FBXO43: variants seen among roughly 807,000 people sequenced by gnomAD.
The protein encoded by FBXO43 is F-box only protein 43.
Under a neutral mutation model 56.7 loss-of-function variants are expected in FBXO43, and 22 were observed. The ratio of observed to expected loss-of-function variants is 0.39; its 90% CI spans 0.28 to 0.55. The LOEUF is 0.55. FBXO43 is among the 20% of genes least tolerant of loss of function. The pLI is 0.66. For missense variants in FBXO43, 733 were observed against 814.9 expected (o/e 0.90, Z 1.22); for synonymous variants, 306 against 294.5 (o/e 1.04, Z -0.40).
rs1178600675 is a variant in FBXO43, at chr8:100,145,143, T to G, written c.-8A>C. ...TTTGTCTTTAAAACTCATGCCAAAA[T>G]AATGCCACTTAAAGAGGAAAACTTT... On this transcript the variant is annotated 5_prime_UTR_variant, in exon 1 of 5. Coordinates refer to ENST00000428847, the MANE Select transcript of FBXO43 (RefSeq NM_001029860.4). 2 of 1,602,932 alleles carry G rather than the reference T, an allele frequency of 1.2e-6. No homozygotes were observed. The highest frequency in any genetic ancestry group is 1.7e-6 in the Non-Finnish European group (2 of 1,175,740).
rs779978479 is a variant in FBXO43, at chr8:100,134,162, T to C, written c.1877A>G (p.Lys626Arg). ...HLSSKQEEYV[K>R]VAKTLFTDEA... ...ACTTATGACATAATAAATACTTACCTTAACATATTCTTCCTGTTTACTACT... is the reference window on the plus strand; with the variant it reads ...ACTTATGACATAATAAATACTTACCCTAACATATTCTTCCTGTTTACTACT... The change falls in exon 4 of 5, where the codon AAG becomes AGG. Residue 626 changes from lysine (K) to arginine (R), a missense_variant and splice_region_variant. Physicochemically the swap from Lys to Arg is conservative, Grantham distance 26. Transcript: ENST00000428847. The C allele has an allele frequency of 1.5e-5, 25 of 1,613,008 alleles. No homozygotes were observed. In the South Asian group the frequency reaches 2.7e-4, roughly 18 times the overall value.
intron 1 of FBXO43, among the ~76,000 whole-genome samples, chr8:100,143,388 A>G (rs760874066): frequency 5.3e-5 from 8 of 152,216 alleles, no homozygotes; most frequent in Non-Finnish European, 1.0e-4. Context: ...TACAAAAGCA[A>G]ATTGCTACTC....
rs754622660 is a variant in FBXO43, at chr8:100,141,417, A to G, written c.837T>C (p.Cys279=). ...SSLCINDENA[C]PELLGSSVSG... is the part of the protein sequence containing the mutation. ...TAACAGAGGAGCCCAGGAGCTCTGGACATGCATTCTCATCATTAATGCATA... is the reference window on the plus strand; with the variant it reads ...TAACAGAGGAGCCCAGGAGCTCTGGGCATGCATTCTCATCATTAATGCATA... The change falls in exon 2 of 5, where the codon TGT becomes TGC. Residue 279 remains cysteine, a synonymous_variant. Transcript: ENST00000428847. The G allele has an allele frequency of 2.4e-5, 39 of 1,613,486 alleles. No individual in the cohort carries two copies. Among genetic ancestry groups the G allele is most frequent in the Non-Finnish European group, 3.1e-5 (37 of 1,179,996 alleles).
At chr8:100,138,957 C>T (rs771700217) in intron 2 of FBXO43, among the ~76,000 whole-genome samples, 1 of 152,178 alleles carries the variant, frequency 6.6e-6, no homozygotes, top group Non-Finnish European at 1.5e-5. Flanking sequence ...TTAAAAGGCA[C>T]ACAATATGGG....
chr8:100,135,368 C>T (rs1814438535), intron 3 of FBXO43, among the ~76,000 whole-genome samples: 1 of 151,962 alleles, frequency 6.6e-6, no homozygotes, highest in African/African-American at 2.4e-5. Flanking sequence ...AAATATGGAG[C>T]TAAACACTAG....
At chr8:100,143,478 C>G (rs1814720172) in intron 1 of FBXO43, among the ~76,000 whole-genome samples, 1 of 152,158 alleles carries the variant, frequency 6.6e-6, no homozygotes, top group Non-Finnish European at 1.5e-5. Flanking sequence ...ATTTTTTAAC[C>G]TTTTAAATCT....
At chr8:100,144,863 T>C (rs1318212350) in intron 1 of FBXO43, 188 bp downstream of exon 1, 30 of 480,896 alleles carry the variant, frequency 6.2e-5, no homozygotes, top group African/African-American at 2.5e-4. Flanking sequence ...ACCCGGGAGG[T>C]GGAGCTTGCA....
At chr8:100,139,504 G>T (rs1563752696) in intron 2 of FBXO43, among the ~76,000 whole-genome samples, 1 of 152,080 alleles carries the variant, frequency 6.6e-6, no homozygotes, top group East Asian at 1.9e-4. Flanking sequence ...CAAGAAAGAG[G>T]CTCACTAACT....
In FBXO43 at chr8:100,133,784, G is replaced by C; in HGVS notation, c.*18C>G. 1 of 1,606,712 alleles carries C rather than the reference G, an allele frequency of 6.2e-7. No homozygotes were observed. Among genetic ancestry groups the C allele is most frequent in the Non-Finnish European group, 8.5e-7 (1 of 1,176,940 alleles). ...GATAAATAGAACACTGCATGGGGGA[G>C]TTCTATATTTAGTCTCTTCAGAGGC... On this transcript the variant is annotated 3_prime_UTR_variant, in exon 5 of 5. Transcript: ENST00000428847.
rs200785791 is a variant in FBXO43 at position 100,141,264 on chromosome 8, C to T, written c.990G>A (p.Thr330=). ...PSPEVRGSIS[T]PEDSGFNSLS... is the part of the protein sequence containing the mutation. ...GTGAGTTAAAACCACTGTCTTCAGG[C>T]GTTGAAATACTGCCTCTCACTTCAG... is the stretch of plus-strand genomic sequence containing the variant. The change falls in exon 2 of 5, where the codon ACG becomes ACA. Residue 330 remains threonine, a synonymous_variant. Coordinates refer to ENST00000428847, the MANE Select transcript of FBXO43 (RefSeq NM_001029860.4). 6.6e-5 allele frequency: 106 copies of T among 1,614,086 alleles called. No individual in the cohort carries two copies. The highest frequency in any genetic ancestry group is 1.8e-4 in the South Asian group (16 of 91,072).
At position 100,145,175 on chromosome 8, in the gene FBXO43, C is replaced by T. The variant is rs1314635471; in HGVS notation, c.-40G>A. Reference sequence around the variant, plus strand: ...ACTTAAAGAGGAAAACTTTAGTTTGCACAATTAATTGAAAGGTGCAGCAGC... The same window carrying T: ...ACTTAAAGAGGAAAACTTTAGTTTGTACAATTAATTGAAAGGTGCAGCAGC... On this transcript the variant is annotated 5_prime_UTR_variant, in exon 1 of 5. Transcript: ENST00000428847. The T allele has an allele frequency of 6.4e-6, 10 of 1,565,980 alleles. No individual in the cohort carries two copies. The highest frequency in any genetic ancestry group is 8.7e-6 in the Non-Finnish European group (10 of 1,150,056).
In FBXO43 at chr8:100,141,299, A is replaced by G; in HGVS notation, c.955T>C (p.Ser319Pro). ...NIRFNASQILSPSPEVRGSIS... is the reference protein window; with the variant it reads ...NIRFNASQILPPSPEVRGSIS... ...CTGCCTCTCACTTCAGGTGAAGGAG[A>G]AAGTATTTGACTTGCGTTAAATCTA... Residue 319 changes from serine (S) to proline (P), a missense_variant, in exon 2 of 5, where the codon TCT becomes CCT. Ser to Pro is a moderately conservative substitution (Grantham distance 74). Coordinates refer to ENST00000428847, the MANE Select transcript of FBXO43 (RefSeq NM_001029860.4). The G allele has an allele frequency of 6.2e-7, 1 of 1,614,108 alleles. No individual in the cohort carries two copies.
At chr8:100,135,913 A>T in intron 3 of FBXO43, among the ~76,000 whole-genome samples, 1 of 150,850 alleles carries the variant, frequency 6.6e-6, no homozygotes, top group South Asian at 2.1e-4. Context: ...GCCAAATATG[A>T]GACTATTTCT....
At chr8:100,144,999 G>A (rs2514689) in intron 1 of FBXO43, 52 bp downstream of exon 1, 574,576 of 1,535,122 alleles carry the variant, frequency 0.37, 111,671 homozygotes, top group East Asian at 0.61. Flanking sequence ...AGAGAATGAA[G>A]TACTTACATT....
At chr8:100,144,336 AC>A (rs1814751642) in intron 1 of FBXO43, among the ~76,000 whole-genome samples, 1 of 150,860 alleles carries the variant, frequency 6.6e-6, no homozygotes, top group African/African-American at 2.4e-5. Flanking sequence ...ACATAGTGAG[AC>A]CCCATCTCTT....
intron 2 of FBXO43, 93 bp downstream of exon 2, chr8:100,140,590 T>C: frequency 1.0e-6 from 1 of 990,934 alleles, no homozygotes; most frequent in Non-Finnish European, 1.5e-6. Context: ...ACAGAGATAA[T>C]AAAACAAAAT....
chr8:100,150,016 G>C (rs79564502), upstream of FBXO43, among the ~76,000 whole-genome samples: 3,040 of 152,244 alleles, frequency 0.02, 46 homozygotes, highest in Non-Finnish European at 0.033. Context: ...AACGGAGGGC[G>C]GGTGAGTAGA....
At position 100,133,836 on chromosome 8, in the gene FBXO43, C is replaced by A; in HGVS notation, c.2093G>T (p.Ser698Ile). Residue 698 changes from serine to isoleucine, a missense_variant, in exon 5 of 5, where the codon AGT becomes ATT. Physicochemically the swap from Ser to Ile is moderately radical, Grantham distance 142. Transcript: ENST00000428847. ...PRNRKDALPGSAQSKRNLKRL is the reference protein window; with the variant it reads ...PRNRKDALPGIAQSKRNLKRL ...TTTTAAATTCCGCTTACTCTGGGCA[C>A]TTCCTGGGAGAGCATCTTTTCTATT... 1 of 1,614,184 alleles carries A rather than the reference C, an allele frequency of 6.2e-7. No homozygotes were observed. Among genetic ancestry groups the A allele is most frequent in the Non-Finnish European group, 8.5e-7 (1 of 1,180,020 alleles).
rs557684701 is a variant in FBXO43, at chr8:100,141,762, A to G, written c.492T>C (p.Leu164=). 6.3e-7 allele frequency: 1 copy of G among 1,592,668 alleles called. No individual in the cohort carries two copies. The highest frequency in any genetic ancestry group is 2.2e-5 in the East Asian group (1 of 44,524). ...TTTGTGATTCAAAGTCCCCTTTTAG[A>G]AGAGCGAAAGATACATTCAACCTTC... ...PRRRLNVSFA[L]LKGDFESQNS... Residue 164 remains leucine, a synonymous_variant, in exon 2 of 5, where the codon CTT becomes CTC. Transcript: ENST00000428847.
Sources: allele counts gnomAD v4.1 joint callset (sites outside exome capture counted in the v4.1 genomes callset), GRCh38; gene constraint gnomAD v4.1.1; transcripts MANE v1.5; gene names NCBI Gene and HGNC (gene_info 2026-07-23, HGNC 2026-07-21).